Variants in RBFOX1 observed in about 807,000 individuals in gnomAD.
RBFOX1 encodes RNA binding protein fox-1 homolog 1.
RBFOX1 carries 8 observed loss-of-function variants against 57.7 expected under a neutral mutation model. That is an observed-to-expected ratio of 0.14 (90% CI 0.08 to 0.25). The LOEUF (loss-of-function observed/expected upper bound fraction) is 0.25, where lower values mean the gene tolerates loss of function less well. Among genes scored for constraint, RBFOX1 ranks in the 10% least tolerant of loss-of-function variants. RBFOX1 has a pLI of 1.00. For synonymous variants in RBFOX1, 326 were observed against 222.4 expected (o/e 1.47, Z -4.15); for missense variants, 611 against 548.5 (o/e 1.11, Z -1.14).
rs186338384 is a variant in RBFOX1 at position 6,849,965 on chromosome 16, A to C, written c.-16+195315A>C. ...TAGAAAGCTGGAGACTTTGTCTTTG[A>C]ATCTTGCAATACTGTTGATTTTGGT... On this transcript the variant is annotated intron_variant, in intron 3 of 15. Coordinates refer to ENST00000550418, the MANE Select transcript of RBFOX1 (RefSeq NM_018723.4). Among the ~76,000 whole-genome samples, 291 of 152,312 alleles carry C rather than the reference A, an allele frequency of 1.9e-3. 2 individuals are homozygous for C. Among genetic ancestry groups the C allele is most frequent in the Admixed American group, 0.016 (250 of 15,294 alleles).
chr16:6,841,484 G>C (rs113929744), intron 3 of RBFOX1, among the ~76,000 whole-genome samples: 1 of 152,146 alleles, frequency 6.6e-6, no homozygotes, highest in South Asian at 2.1e-4. Context: ...TGGAAGGGGA[G>C]AGTCATTAAT....
chr16:6,725,142 C>T (rs1304377614), intron 3 of RBFOX1, among the ~76,000 whole-genome samples: 1 of 149,652 alleles, frequency 6.7e-6, no homozygotes, highest in Non-Finnish European at 1.5e-5. Flanking sequence ...GCTCTGCGTC[C>T]CGGGTTCACG....
intron 1 of RBFOX1, among the ~76,000 whole-genome samples, chr16:5,278,958 T>C (rs2063206208): frequency 6.6e-6 from 1 of 152,238 alleles, no homozygotes; most frequent in South Asian, 2.1e-4. Flanking sequence ...GTGTCTGTTT[T>C]AATACCAATA....
chr16:5,302,223 C>G lies in RBFOX1; in HGVS notation c.219+62118C>G, dbSNP rs528329632. On this transcript the variant is annotated intron_variant, in intron 1 of 2. Coordinates refer to the RBFOX1 transcript ENST00000585867. ...CATTTAGAAGTGAGTTATTTAATTT[C>G]TAAATATTTGGTAATTTTCTAGATA... Among the ~76,000 whole-genome samples the G allele has an allele frequency of 7.9e-5, 12 of 152,200 alleles. No individual in the cohort carries two copies. In the East Asian group the frequency reaches 2.3e-3, roughly 29 times the overall value.
intron 2 of RBFOX1, among the ~76,000 whole-genome samples, chr16:6,543,297 C>T (rs1003006925): frequency 6.6e-6 from 1 of 152,048 alleles, no homozygotes; most frequent in African/African-American, 2.4e-5. Flanking sequence ...GGAACAGTTG[C>T]CCCTCCTTGA....
chr16:7,449,740 G>C (rs565197154), intron 4 of RBFOX1, among the ~76,000 whole-genome samples: 1 of 128,138 alleles, frequency 7.8e-6, no homozygotes, highest in South Asian at 2.8e-4. Flanking sequence ...GGGGGGGGGG[G>C]GTTGTTTTGT....
At chr16:5,814,242 G>C (rs1309081360) in intron 3 of RBFOX1, among the ~76,000 whole-genome samples, 1 of 152,054 alleles carries the variant, frequency 6.6e-6, no homozygotes, top group Admixed American at 6.6e-5. Context: ...AGTGCCTTTG[G>C]GAAACTGTAT....
At chr16:5,752,014 GAGTA>G (rs2053225998) in intron 3 of RBFOX1, among the ~76,000 whole-genome samples, 1 of 152,136 alleles carries the variant, frequency 6.6e-6, no homozygotes, top group Non-Finnish European at 1.5e-5. Flanking sequence ...CAAAGACATG[GAGTA>G]AATCTAAATT....
intron 1 of RBFOX1, among the ~76,000 whole-genome samples, chr16:5,466,405 C>T (rs1169256859): frequency 6.6e-6 from 1 of 152,056 alleles, no homozygotes; most frequent in Admixed American, 6.5e-5. Context: ...GAGTTGGGTC[C>T]TGACCCAACG....
At chr16:5,872,637 G>T (rs1018612056) in intron 4 of RBFOX1, among the ~76,000 whole-genome samples, 2 of 152,064 alleles carry the variant, frequency 1.3e-5, no homozygotes, top group Admixed American at 6.5e-5. Context: ...TCAGGAGGCT[G>T]AGGTGGGAGG....
At chr16:6,313,080 T>A (rs1350746107) in intron 1 of RBFOX1, among the ~76,000 whole-genome samples, 1 of 152,060 alleles carries the variant, frequency 6.6e-6, no homozygotes, top group Admixed American at 6.6e-5. Flanking sequence ...GCTAAAAGCA[T>A]CCCCAGTCAA....
intron 1 of RBFOX1, among the ~76,000 whole-genome samples, chr16:6,102,504 A>C (rs2096325260): frequency 6.6e-6 from 1 of 152,122 alleles, no homozygotes; most frequent in South Asian, 2.1e-4. Context: ...GCACAGGAAA[A>C]GTTTCCTTTC....
rs1291225299 is a variant in RBFOX1, at chr16:6,097,711, ACT to A, written c.-127+77721_-127+77722del. 2.0e-5 allele frequency among the ~76,000 whole-genome samples: 3 copies of A among 151,018 alleles called. No individual in the cohort carries two copies. Among genetic ancestry groups the A allele is most frequent in the African/African-American group, 7.3e-5 (3 of 41,050 alleles). On this transcript the variant is annotated intron_variant, in intron 1 of 15. Coordinates refer to ENST00000550418, the MANE Select transcript of RBFOX1 (RefSeq NM_018723.4). This position sits in a 1 kb window ranked among gnomAD's most constrained non-coding sequence, Gnocchi z 5.0. The stretch of plus-strand genomic sequence containing the variant: ...GGGCTTGTGAATCTGGAGCCCATAG[ACT>A]CAACTCCTGTGCTATACTGCCTCTG...
At chr16:6,892,691 G>T (rs867267805) in intron 3 of RBFOX1, among the ~76,000 whole-genome samples, 3 of 152,020 alleles carry the variant, frequency 2.0e-5, no homozygotes, top group African/African-American at 7.2e-5. Flanking sequence ...AAAAAAGCCT[G>T]AGAGTGAAGT....
chr16:6,914,544 CT>C (rs2072601474), intron 3 of RBFOX1, among the ~76,000 whole-genome samples: 1 of 149,306 alleles, frequency 6.7e-6, no homozygotes, highest in African/African-American at 2.5e-5. Context: ...CAGTTTTCAG[CT>C]CCAGAAGAAA....
chr16:5,788,542 T>C (rs2054587127), intron 3 of RBFOX1, among the ~76,000 whole-genome samples: 1 of 151,954 alleles, frequency 6.6e-6, no homozygotes, highest in Admixed American at 6.5e-5. Flanking sequence ...GGCAGGAGCA[T>C]TGCTTGAACC....
intron 4 of RBFOX1, among the ~76,000 whole-genome samples, chr16:7,187,620 C>T (rs969762036): frequency 3.1e-5 from 4 of 127,064 alleles, no homozygotes; most frequent in African/African-American, 1.2e-4. Context: ...ACCCGGGAGG[C>T]AGAGCTTGCA....
intron 3 of RBFOX1, among the ~76,000 whole-genome samples, chr16:6,992,682 C>A (rs181609004): frequency 6.6e-6 from 1 of 152,020 alleles, no homozygotes; most frequent in African/African-American, 2.4e-5. Context: ...GTTAGAGCCA[C>A]AAAGGGCTTC....
At chr16:6,802,466 C>T (rs530117836) in intron 3 of RBFOX1, among the ~76,000 whole-genome samples, 1 of 152,242 alleles carries the variant, frequency 6.6e-6, no homozygotes, top group East Asian at 1.9e-4. Context: ...CACCTGAGGT[C>T]AGGAGTTTGA....
Sources: allele counts gnomAD v4.1 joint callset (sites outside exome capture counted in the v4.1 genomes callset), GRCh38; gene constraint gnomAD v4.1.1; non-coding constraint Gnocchi (gnomAD v3.1); transcripts MANE v1.5; gene names NCBI Gene and HGNC (gene_info 2026-07-23, HGNC 2026-07-21).